PLD1: variants seen among roughly 807,000 people sequenced by gnomAD.
PLD1 encodes the protein phospholipase D1, also known as choline phosphatase 1.
Under a neutral mutation model 137.1 loss-of-function variants are expected in PLD1, and 112 were observed. The observed-to-expected ratio is 0.82, with a 90% CI of 0.70 to 0.96. PLD1 has a LOEUF of 0.96. PLD1 is among the 40% of genes least tolerant of loss of function. PLD1 has a pLI of 0.00. For synonymous variants in PLD1, 431 were observed against 454.7 expected (o/e 0.95, Z 0.66); for missense variants, 1,321 against 1,342.0 (o/e 0.98, Z 0.24).
intron 6 of PLD1, among the ~76,000 whole-genome samples, chr3:171,729,554 GT>G (rs1485656727): frequency 1.3e-5 from 2 of 152,084 alleles, no homozygotes; most frequent in Non-Finnish European, 2.9e-5. Context: ...AAATGGCCAG[GT>G]GGGAAATTAT....
intron 14 of PLD1, 43 bp from the exon 15 acceptor site, chr3:171,687,627 T>C (rs1224089290): frequency 8.0e-7 from 1 of 1,257,174 alleles, no homozygotes; most frequent in Non-Finnish European, 1.1e-6. Flanking sequence ...GCATAAGACA[T>C]GCTGCAGTGT....
At chr3:171,607,262 A>C (rs539368325) in intron 25 of PLD1, among the ~76,000 whole-genome samples, 107 of 152,308 alleles carry the variant, frequency 7.0e-4, no homozygotes, top group Middle Eastern at 3.4e-3. Context: ...CCAAAGCACA[A>C]TTTTACTGCA....
intron 1 of PLD1, among the ~76,000 whole-genome samples, chr3:171,778,796 TTTACGTTTTTCC>T (rs1406499129): frequency 6.6e-6 from 1 of 152,228 alleles, no homozygotes; most frequent in African/African-American, 2.4e-5. Context: ...CATAGTTTCA[TTTACGTTTTTCC>T]TTAAATATAA....
At chr3:171,686,101 G>A (rs1298996053) in intron 16 of PLD1, among the ~76,000 whole-genome samples, 1 of 145,858 alleles carries the variant, frequency 6.9e-6, no homozygotes, top group Non-Finnish European at 1.5e-5. Flanking sequence ...TGCAGCCTGG[G>A]TGACAGAGCA....
intron 23 of PLD1, among the ~76,000 whole-genome samples, chr3:171,625,100 C>A (rs1055373325): frequency 1.3e-5 from 2 of 152,018 alleles, no homozygotes; most frequent in Non-Finnish European, 2.9e-5. Context: ...CCTTCCTAGT[C>A]AAAGAAAGGG....
chr3:171,606,072 C>G (rs1732178557), intron 25 of PLD1, among the ~76,000 whole-genome samples: 1 of 152,176 alleles, frequency 6.6e-6, no homozygotes, highest in African/African-American at 2.4e-5. Context: ...CATTTAGGAG[C>G]TACTCCCATA....
intron 19 of PLD1, chr3:171,666,229 T>A (rs1560195633): frequency 6.6e-6 from 1 of 152,358 alleles, no homozygotes; most frequent in Non-Finnish European, 1.5e-5. Flanking sequence ...CTGGATAATT[T>A]ATAAAGGAAA....
intron 25 of PLD1, 73 bp from the exon 26 acceptor site, chr3:171,605,489 T>C: frequency 2.4e-6 from 2 of 832,862 alleles, no homozygotes; most frequent in Non-Finnish European, 4.2e-6. Flanking sequence ...GTCTATTATA[T>C]CTATCTCTAT....
intron 19 of PLD1, among the ~76,000 whole-genome samples, chr3:171,670,764 T>C (rs1712660258): frequency 6.6e-6 from 1 of 152,226 alleles, no homozygotes. Flanking sequence ...CTCTCAAAGA[T>C]CCATAGAAAC....
intron 19 of PLD1, among the ~76,000 whole-genome samples, chr3:171,668,619 CCCTT>C (rs1464798553): frequency 1.3e-5 from 2 of 151,912 alleles, no homozygotes; most frequent in Non-Finnish European, 2.9e-5. Context: ...GTTCCTCCCT[CCCTT>C]CCTTCTTTCC....
At chr3:171,770,888 C>CAAAAAAAAAAAAAAAAAAAAAAAAAAAAA (rs34683994) in intron 1 of PLD1, among the ~76,000 whole-genome samples, 2 of 40,876 alleles carry the variant, frequency 4.9e-5, no homozygotes, top group African/African-American at 1.6e-4. Flanking sequence ...AACCCTATCT[C>CAAAAAAAAAAAAAAAAAAAAAAAAAAAAA]AAAAAAAAAA....
At chr3:171,715,190 C>G (rs1329960866) in intron 8 of PLD1, among the ~76,000 whole-genome samples, 1 of 152,192 alleles carries the variant, frequency 6.6e-6, no homozygotes, top group Non-Finnish European at 1.5e-5. Flanking sequence ...CCCCGTTTTC[C>G]CAGCACTGTT....
At chr3:171,795,758 T>G (rs1393256093) in intron 1 of PLD1, among the ~76,000 whole-genome samples, 1 of 152,206 alleles carries the variant, frequency 6.6e-6, no homozygotes, top group Non-Finnish European at 1.5e-5. Flanking sequence ...CCCAAAAGGG[T>G]GTTCAGAGAG....
chr3:171,661,998 A>G, intron 20 of PLD1, 62 bp downstream of exon 20: 1 of 912,142 alleles, frequency 1.1e-6, no homozygotes, highest in South Asian at 1.5e-5. Context: ...GGACCCTGAA[A>G]TCTCTGCATG....
At chr3:171,730,511 G>A (rs909061262) in intron 6 of PLD1, among the ~76,000 whole-genome samples, 8 of 151,998 alleles carry the variant, frequency 5.3e-5, no homozygotes, top group Non-Finnish European at 1.2e-4. Context: ...CTGTATAAAA[G>A]TGAGAGGAAA....
chr3:171,756,831 T>C, intron 1 of PLD1, among the ~76,000 whole-genome samples: 1 of 152,214 alleles, frequency 6.6e-6, no homozygotes, highest in Non-Finnish European at 1.5e-5. Flanking sequence ...AACAACGTGC[T>C]AGCAAAAATC....
At chr3:171,640,695 T>A (rs1311068736) in intron 23 of PLD1, among the ~76,000 whole-genome samples, 1 of 152,144 alleles carries the variant, frequency 6.6e-6, no homozygotes, top group African/African-American at 2.4e-5. Flanking sequence ...CAGCCAGAGG[T>A]GAGAGCTTAG....
chr3:171,772,836 C>T (rs758302324), intron 1 of PLD1, among the ~76,000 whole-genome samples: 11 of 152,120 alleles, frequency 7.2e-5, no homozygotes, highest in Non-Finnish European at 1.3e-4. Context: ...TATAAAAATG[C>T]TCATGCAAAA....
At chr3:171,698,683 A>G (rs146929914) in intron 12 of PLD1, among the ~76,000 whole-genome samples, 83 of 152,092 alleles carry the variant, frequency 5.5e-4, no homozygotes, top group African/African-American at 2.0e-3. Context: ...GTTGGCCGGG[A>G]GCGGTGGCTC....
Sources: gnomAD v4.1 joint callset for allele counts (sites outside exome capture counted in the v4.1 genomes callset) on GRCh38, gnomAD v4.1.1 for gene constraint, MANE v1.5 for transcripts, NCBI Gene and HGNC (gene_info 2026-07-23, HGNC 2026-07-21) for gene names.